Variants in PCDHGA5 observed in about 807,000 individuals in gnomAD.
PCDHGA5 encodes protocadherin gamma subfamily A, 5.
A neutral mutation model predicts 56.7 loss-of-function variants in PCDHGA5; 36 were observed. The ratio of observed to expected loss-of-function variants is 0.64; its 90% confidence interval spans 0.49 to 0.84. PCDHGA5 has a LOEUF of 0.84. Ranked by LOEUF, PCDHGA5 falls within the 40% of genes least tolerant of loss-of-function variation. The probability of loss-of-function intolerance (pLI) is 0.00; values close to 1 mark genes in which losing one functional copy is unlikely to be tolerated. For missense variants in PCDHGA5, 1,305 were observed against 1,201.5 expected (o/e 1.09, Z -1.27); for synonymous variants, 563 against 520.2 (o/e 1.08, Z -1.12).
intron 1 of PCDHGA5, chr5:141,419,935 G>T: frequency 6.2e-7 from 1 of 1,614,070 alleles, no homozygotes; most frequent in Non-Finnish European, 8.5e-7. Flanking sequence ...AGTTTTACCT[G>T]GTGGTGGCCT....
chr5:141,423,299 C>T (rs1225422770), intron 1 of PCDHGA5: 2 of 1,614,128 alleles, frequency 1.2e-6, no homozygotes, highest in Non-Finnish European at 1.7e-6. Context: ...TCAGACCTCT[C>T]GCTGTACTTG....
chr5:141,384,981 G>T (rs1780732379), intron 1 of PCDHGA5: 1 of 1,614,142 alleles, frequency 6.2e-7, no homozygotes, highest in Non-Finnish European at 8.5e-7. Context: ...TGTACCTGGT[G>T]GTGGCGGTGG....
rs1387919696 is a variant in PCDHGA5 at position 141,384,415 on chromosome 5, TCC to T, written c.2421+17665_2421+17666del. On this transcript the variant is annotated intron_variant, in intron 1 of 3. Coordinates refer to ENST00000518069, the MANE Select transcript of PCDHGA5 (RefSeq NM_018918.3). ...GGGGGCTCCAGTGTCCTCCTATGTC[TCC>T]ATAAACTCTGACACTGGAGTCCTGT... is the stretch of plus-strand genomic sequence containing the variant. The T allele has an allele frequency of 2.5e-6, 4 of 1,613,776 alleles. No homozygotes were observed. In the East Asian group the frequency reaches 8.9e-5, roughly 36 times the overall value.
intron 1 of PCDHGA5, chr5:141,410,816 A>G (rs2095424614): frequency 1.8e-6 from 1 of 550,516 alleles, no homozygotes; most frequent in African/African-American, 2.1e-5. Flanking sequence ...TTTGTAAAAT[A>G]ATGTCACCAG....
intron 1 of PCDHGA5, among the ~76,000 whole-genome samples, chr5:141,450,815 A>ATTATTAT (rs1554136868): frequency 7.9e-6 from 1 of 126,684 alleles, no homozygotes; most frequent in African/African-American, 3.3e-5. Context: ...TATTTATTTA[A>ATTATTAT]TATTATTATT....
rs763840734 is a variant in PCDHGA5, at chr5:141,428,113, T to C, written c.2421+61362T>C. The stretch of plus-strand genomic sequence containing the variant: ...CTGTCCTACCACGTGCTGCAGGCCA[T>C]CGAGCCCGGGCTTTTCAGCCTGGGG... On this transcript the variant is annotated intron_variant, in intron 1 of 3. Transcript: ENST00000518069. 1.0e-5 allele frequency: 16 copies of C among 1,607,374 alleles called. No homozygotes were observed. In the African/African-American group the frequency reaches 1.9e-4, roughly 19 times the overall value.
chr5:141,402,892 A>G, intron 1 of PCDHGA5: 10 of 1,498,814 alleles, frequency 6.7e-6, no homozygotes, highest in Non-Finnish European at 8.9e-6. Flanking sequence ...GGTGGAAGAA[A>G]GAACCTGATG....
chr5:141,485,882 G>C lies in PCDHGA5; in HGVS notation c.2422-8925G>C. 6.2e-7 allele frequency: 1 copy of C among 1,614,146 alleles called. No homozygotes were observed. On this transcript the variant is annotated intron_variant, in intron 1 of 3. Transcript: ENST00000518069. The surrounding 1 kb of genome is among the most constrained non-coding windows in gnomAD (Gnocchi z 5.7). ...CCGGGTATCCGTGCTGGACGTAAACGACAACGCCCCAGCCTTCCAGCAATC... is the reference window on the plus strand; with the variant it reads ...CCGGGTATCCGTGCTGGACGTAAACCACAACGCCCCAGCCTTCCAGCAATC...
rs773609097 is a variant in PCDHGA5 at position 141,408,614 on chromosome 5, A to C, written c.2421+41863A>C. 2.2e-5 allele frequency: 36 copies of C among 1,614,008 alleles called. No individual in the cohort carries two copies. Among genetic ancestry groups the C allele is most frequent in the Non-Finnish European group, 3.1e-5 (36 of 1,179,890 alleles). On this transcript the variant is annotated intron_variant, in intron 1 of 3. Coordinates refer to ENST00000518069, the MANE Select transcript of PCDHGA5 (RefSeq NM_018918.3). The stretch of plus-strand genomic sequence containing the variant: ...CGCCCCTCAATTTGATAAAAAGGAA[A>C]TACATTTAGAAATTTTCGAATCTGC...
At chr5:141,450,982 A>G (rs746572732) in intron 1 of PCDHGA5, among the ~76,000 whole-genome samples, 18 of 151,360 alleles carry the variant, frequency 1.2e-4, no homozygotes, top group Non-Finnish European at 1.9e-4. Context: ...GTGCCACCAC[A>G]CCCGGCTAAT....
At position 141,510,228 on chromosome 5, in the gene PCDHGA5, G is replaced by A. The variant is rs529723748; in HGVS notation, c.2570-719G>A. The stretch of plus-strand genomic sequence containing the variant: ...GCAGAGGTTGCAGTGAGCCGGGATC[G>A]CGCCACTGCACTCCAGGCTGGGCGA... On this transcript the variant is annotated intron_variant, in intron 3 of 3. Coordinates refer to ENST00000518069, the MANE Select transcript of PCDHGA5 (RefSeq NM_018918.3). Among the ~76,000 whole-genome samples the A allele has an allele frequency of 1.4e-3, 208 of 150,722 alleles. 1 individual carries two copies. Among genetic ancestry groups the A allele is most frequent in the African/African-American group, 4.7e-3 (193 of 40,860 alleles).
chr5:141,399,618 G>A, intron 1 of PCDHGA5: 1 of 1,613,914 alleles, frequency 6.2e-7, no homozygotes, highest in Non-Finnish European at 8.5e-7. Context: ...CTCTGGCACT[G>A]GCCTCTTACG....
chr5:141,388,433 A>G, intron 1 of PCDHGA5: 1 of 1,613,878 alleles, frequency 6.2e-7, no homozygotes, highest in Non-Finnish European at 8.5e-7. Flanking sequence ...TGATAAATAA[A>G]GAGAAATCAG....
At chr5:141,463,108 T>G (rs1212278355) in intron 1 of PCDHGA5, among the ~76,000 whole-genome samples, 1 of 152,202 alleles carries the variant, frequency 6.6e-6, no homozygotes, top group Non-Finnish European at 1.5e-5. Flanking sequence ...CATCAAGAAT[T>G]CAGCTAATAG....
chr5:141,447,775 AT>A (rs1463090729), intron 1 of PCDHGA5, among the ~76,000 whole-genome samples: 2 of 152,212 alleles, frequency 1.3e-5, no homozygotes, highest in Non-Finnish European at 2.9e-5. Flanking sequence ...TTATACTTTA[AT>A]TGAAAATAAA....
intron 1 of PCDHGA5, chr5:141,400,422 TA>T: frequency 6.2e-7 from 1 of 1,614,054 alleles, no homozygotes; most frequent in Non-Finnish European, 8.5e-7. Context: ...TCCTAAAATG[TA>T]GTGAGCAATT....
Position 141,489,276 on chromosome 5 carries a change from A to G in PCDHGA5, c.2422-5531A>G. 6.4e-7 allele frequency: 1 copy of G among 1,556,122 alleles called. No homozygotes were observed. Among genetic ancestry groups the G allele is most frequent in the Non-Finnish European group, 8.7e-7 (1 of 1,151,562 alleles). On this transcript the variant is annotated intron_variant, in intron 1 of 3. Coordinates refer to ENST00000518069, the MANE Select transcript of PCDHGA5 (RefSeq NM_018918.3). The surrounding 1 kb of genome is among the most constrained non-coding windows in gnomAD (Gnocchi z 4.5). ...AGACACTCCCACAGCTCGCTGGGAA[A>G]TGGCAAGTGCTGTGCATGTTGTCCT...
chr5:141,454,356 T>G (rs1461475653), intron 1 of PCDHGA5, among the ~76,000 whole-genome samples: 1 of 152,224 alleles, frequency 6.6e-6, no homozygotes, highest in East Asian at 1.9e-4. Context: ...TGATCCAAAC[T>G]TAGAAAGGAG....
rs776864431 is a variant in PCDHGA5 at position 141,365,544 on chromosome 5, TAAC to T, written c.1218_1220del (p.Thr407del). ...TCAGTTGATAATTACTATCACCTATTAACAACTAGGGACCTGGACAGAGAAGAG... is the reference window on the plus strand; with the variant it reads ...TCAGTTGATAATTACTATCACCTATTAACTAGGGACCTGGACAGAGAAGAG... On this transcript the variant is annotated inframe_deletion, in exon 1 of 4. Transcript: ENST00000518069. 1.9e-6 allele frequency: 3 copies of T among 1,613,800 alleles called. No individual in the cohort carries two copies. In the East Asian group the frequency reaches 6.7e-5, roughly 36 times the overall value.
Sources: gnomAD v4.1 joint callset for allele counts (sites outside exome capture counted in the v4.1 genomes callset) on GRCh38, gnomAD v4.1.1 for gene constraint, Gnocchi (gnomAD v3.1) non-coding constraint, MANE v1.5 for transcripts, NCBI Gene and HGNC (gene_info 2026-07-23, HGNC 2026-07-21) for gene names.